The following TAF8 variants were observed in gnomAD, a reference collection of about 807,000 sequenced individuals.
TAF8 encodes the protein TATA-box binding protein associated factor 8.
Under a neutral mutation model 36.5 loss-of-function variants are expected in TAF8, and 47 were observed. The ratio of observed to expected loss-of-function variants is 1.29; its 90% confidence interval spans 1.02 to 1.64. TAF8 has a LOEUF of 1.64. TAF8 is among the 40% of genes most tolerant of loss of function. The pLI is 0.00. For synonymous variants in TAF8, 175 were observed against 159.5 expected, an observed-to-expected ratio of 1.10 and a Z score of -0.73; for missense variants, 420 against 407.6, an observed-to-expected ratio of 1.03 and a Z score of -0.26.
chr6:42,068,630 C>T (rs1765450128), intron 7 of TAF8, 23 bp downstream of exon 7: 2 of 1,609,108 alleles, frequency 1.2e-6, no homozygotes, highest in Non-Finnish European at 1.7e-6. Context: ...TTCTGCCTAC[C>T]TCAGAGTATC....
chr6:42,070,454 T>C (rs1489350627), intron 7 of TAF8, among the ~76,000 whole-genome samples: 1 of 152,244 alleles, frequency 6.6e-6, no homozygotes, highest in Non-Finnish European at 1.5e-5. Context: ...ATCGCGCCAC[T>C]GCACTCCAGC....
Position 42,080,356 on chromosome 6 carries a change from C to G in TAF8, c.*2811C>G. 1 of 983,066 alleles carries G rather than the reference C, an allele frequency of 1.0e-6. No homozygotes were observed. The highest frequency in any genetic ancestry group is 1.2e-6 in the Non-Finnish European group (1 of 832,800). 60.9% of individuals were successfully genotyped at this position (983,066 alleles called of 1,614,324 possible). A position where few individuals can be genotyped will look rare whatever the true frequency, so the allele number is the denominator to read the frequency against. On this transcript the variant is annotated 3_prime_UTR_variant, in exon 9 of 9. Transcript: ENST00000372977. Reference sequence around the variant, plus strand: ...TGCTGTTGAGATTTCAGAGGCTATACTCTTTTTTTTTCTTTTCTTTTTTTT... The same window carrying G: ...TGCTGTTGAGATTTCAGAGGCTATAGTCTTTTTTTTTCTTTTCTTTTTTTT...
At chr6:42,055,849 T>A in intron 3 of TAF8, 103 bp from the exon 4 acceptor site, 1 of 869,654 alleles carries the variant, frequency 1.1e-6, no homozygotes, top group Non-Finnish European at 1.9e-6. Flanking sequence ...GGCTGCAAGG[T>A]CATTGAGTTG....
In TAF8 at chr6:42,077,702, T is replaced by A; in HGVS notation, c.*157T>A. The stretch of plus-strand genomic sequence containing the variant: ...TTCATGGCAAACCGTCTTATTAAGA[T>A]GACCTATTTTCACTGGATGTTTGGG... On this transcript the variant is annotated 3_prime_UTR_variant, in exon 9 of 9. Transcript: ENST00000372977. 6.8e-7 allele frequency: 1 copy of A among 1,481,002 alleles called. No individual in the cohort carries two copies. Among genetic ancestry groups the A allele is most frequent in the Non-Finnish European group, 8.9e-7 (1 of 1,119,322 alleles). The allele number at this position is 1,481,002 out of a possible 1,614,324, so 91.7% of individuals were successfully genotyped here. A position where few individuals can be genotyped will look rare whatever the true frequency, so the allele number is the denominator to read the frequency against.
intron 5 of TAF8, 126 bp downstream of exon 5, chr6:42,057,639 G>T: frequency 7.5e-7 from 1 of 1,328,934 alleles, no homozygotes; most frequent in Non-Finnish European, 1.0e-6. Context: ...TCAGAATGTG[G>T]CCGGGCACAT....
At chr6:42,061,914 C>G (rs1765201504) in intron 5 of TAF8, among the ~76,000 whole-genome samples, 1 of 152,136 alleles carries the variant, frequency 6.6e-6, no homozygotes, top group Non-Finnish European at 1.5e-5. Flanking sequence ...ATAAGTCATT[C>G]GTTTAGCCAA....
chr6:42,087,212 G>T (rs982958411), downstream of TAF8: 1 of 184,258 alleles, frequency 5.4e-6, no homozygotes, highest in African/African-American at 2.4e-5. Context: ...CTCCTCACAG[G>T]GCCTGGCCAT....
chr6:42,050,907 T>G (rs947977739), intron 1 of TAF8: 2 of 1,170,482 alleles, frequency 1.7e-6, no homozygotes, highest in East Asian at 4.1e-5. Context: ...ATATTTAGCT[T>G]TCTTACTTTT....
At chr6:42,051,288 G>T in intron 1 of TAF8, 69 bp from the exon 2 acceptor site, 22 of 1,413,760 alleles carry the variant, frequency 1.6e-5, no homozygotes, top group Non-Finnish European at 2.0e-5. Flanking sequence ...TTTGCTTGCC[G>T]TTGACCACGT....
intron 5 of TAF8, 64 bp from the exon 6 acceptor site, chr6:42,066,248 G>A (rs1266907750): frequency 2.4e-5 from 38 of 1,593,540 alleles, no homozygotes; most frequent in Non-Finnish European, 2.9e-5. Flanking sequence ...AGCAAGCCAG[G>A]GAGCTGATGA....
Position 42,074,239 on chromosome 6 carries a change from A to G in TAF8, c.781-2861A>G, listed in dbSNP as rs536793092. 7.2e-5 allele frequency among the ~76,000 whole-genome samples: 11 copies of G among 152,296 alleles called. No homozygotes were observed. In the South Asian group the frequency reaches 1.9e-3, roughly 26 times the overall value. On this transcript the variant is annotated intron_variant, in intron 7 of 8. Coordinates refer to ENST00000372977, the MANE Select transcript of TAF8 (RefSeq NM_138572.3). ...GACTGAGAAGCGCCGTTTACACCAC[A>G]GGGGAAGGTCCCCAATTCAGACTTA...
At chr6:42,059,836 G>A (rs182194913) in intron 5 of TAF8, among the ~76,000 whole-genome samples, 1 of 152,182 alleles carries the variant, frequency 6.6e-6, no homozygotes, top group Middle Eastern at 3.2e-3. Context: ...TTTTGCAAAC[G>A]TGGTTTCAGT....
At chr6:42,073,535 C>T (rs974101326) in intron 7 of TAF8, among the ~76,000 whole-genome samples, 2 of 151,972 alleles carry the variant, frequency 1.3e-5, no homozygotes, top group Non-Finnish European at 2.9e-5. Context: ...GTGGGGTGCT[C>T]GGAGTAGGCA....
At chr6:42,056,839 C>G (rs1337892347) in intron 4 of TAF8, among the ~76,000 whole-genome samples, 1 of 152,186 alleles carries the variant, frequency 6.6e-6, no homozygotes, top group Non-Finnish European at 1.5e-5. Flanking sequence ...CTCCTGACCT[C>G]GAGTGATCCG....
At chr6:42,059,663 GTCT>G (rs1765123477) in intron 5 of TAF8, among the ~76,000 whole-genome samples, 1 of 152,188 alleles carries the variant, frequency 6.6e-6, no homozygotes, top group Admixed American at 6.5e-5. Context: ...CAAGATGGAG[GTCT>G]TCTTTGGGAA....
Position 42,079,337 on chromosome 6 carries a change from A to G in TAF8, c.*1792A>G, listed in dbSNP as rs1015609181. 8 of 985,288 alleles carry G rather than the reference A, an allele frequency of 8.1e-6. No homozygotes were observed. The highest frequency in any genetic ancestry group is 9.6e-6 in the Non-Finnish European group (8 of 829,928). 61.0% of individuals were successfully genotyped at this position (985,288 alleles called of 1,614,324 possible). A position where few individuals can be genotyped will look rare whatever the true frequency, so the allele number is the denominator to read the frequency against. On this transcript the variant is annotated 3_prime_UTR_variant, in exon 9 of 9. Transcript: ENST00000372977. ...CAATTTGTATCCTGTGGGGAGAACA[A>G]CTTCATTCTTAACATACCCTACAAA...
chr6:42,055,437 T>C, intron 2 of TAF8, 94 bp from the exon 3 acceptor site: 1 of 824,898 alleles, frequency 1.2e-6, no homozygotes, highest in Non-Finnish European at 2.1e-6. Context: ...TTTATGTATA[T>C]ACCTAGGAGT....
intron 7 of TAF8, among the ~76,000 whole-genome samples, chr6:42,069,396 G>A (rs1298768535): frequency 2.0e-5 from 3 of 152,102 alleles, no homozygotes; most frequent in African/African-American, 7.2e-5. Context: ...GATGGTAGGA[G>A]GAGCAAAAAT....
chr6:42,060,890 A>G (rs527560621), intron 5 of TAF8, among the ~76,000 whole-genome samples: 23 of 152,350 alleles, frequency 1.5e-4, no homozygotes, highest in African/African-American at 5.5e-4. Context: ...GAGAGGAACA[A>G]TATGCTGTAA....
Sources: allele counts gnomAD v4.1 joint callset (sites outside exome capture counted in the v4.1 genomes callset), GRCh38; gene constraint gnomAD v4.1.1; transcripts MANE v1.5; gene names NCBI Gene and HGNC (gene_info 2026-07-23, HGNC 2026-07-21).